The following TDRD1 variants were observed in gnomAD, a reference collection of about 807,000 sequenced individuals.
TDRD1 encodes tudor domain-containing protein 1.
TDRD1 carries 37 observed loss-of-function variants against 140.6 expected under a neutral mutation model. That is an observed-to-expected ratio of 0.26 (90% confidence interval 0.20 to 0.35). The LOEUF (loss-of-function observed/expected upper bound fraction) is 0.35. Among genes scored for constraint, TDRD1 ranks in the 10% least tolerant of loss-of-function variants. The pLI, the probability that TDRD1 is intolerant of heterozygous loss-of-function variation, is 1.00. For missense variants in TDRD1, 1,243 were observed against 1,393.0 expected (o/e 0.89, Z 1.71); for synonymous variants, 506 against 475.7 (o/e 1.06, Z -0.83).
chr10:114,177,804 T>C (rs1434709349), upstream of TDRD1, among the ~76,000 whole-genome samples: 1 of 151,936 alleles, frequency 6.6e-6, no homozygotes, highest in Non-Finnish European at 1.5e-5. Context: ...CAGAACTCTG[T>C]ACAGCACCTT....
exon 14 of TDRD1, chr10:114,211,990 A>G (rs745925252): frequency 6.2e-7 from 1 of 1,612,078 alleles, no homozygotes. Flanking sequence ...CCATAATCCC[A>G]AAGTTGTTGG....
exon 7 of TDRD1, chr10:114,203,135 G>T: frequency 6.2e-7 from 1 of 1,613,790 alleles, no homozygotes; most frequent in South Asian, 1.1e-5. Flanking sequence ...AATGTTTTCT[G>T]ATTTGAGAAG....
At chr10:114,182,176 G>A (rs2033123847) in intron 1 of TDRD1, among the ~76,000 whole-genome samples, 1 of 152,166 alleles carries the variant, frequency 6.6e-6, no homozygotes, top group African/African-American at 2.4e-5. Flanking sequence ...AGTCATGTCA[G>A]TATAAGAGTC....
At chr10:114,199,106 C>G in intron 3 of TDRD1, 67 bp from the exon 4 acceptor site, 1 of 1,537,300 alleles carries the variant, frequency 6.5e-7, no homozygotes, top group Admixed American at 1.9e-5. Context: ...GAAGTAGTCC[C>G]AAATCTAGTA....
intron 25 of TDRD1, chr10:114,228,881 C>T (rs1053141646): frequency 4.6e-5 from 29 of 624,356 alleles, no homozygotes; most frequent in Middle Eastern, 8.1e-4. Flanking sequence ...CCCAGGCGTT[C>T]GAAGTCAGCC....
intron 25 of TDRD1, chr10:114,228,159 TCTG>T: frequency 1.3e-6 from 2 of 1,538,940 alleles, no homozygotes; most frequent in Non-Finnish European, 1.7e-6. Context: ...TTTCGCCTCT[TCTG>T]TGATCACCAA....
intron 14 of TDRD1, 121 bp downstream of exon 14, chr10:114,212,157 G>A: frequency 1.2e-6 from 1 of 866,246 alleles, no homozygotes; most frequent in South Asian, 2.0e-5. Flanking sequence ...ATGCTTAAAA[G>A]TTACTATAAA....
chr10:114,203,529 A>G, exon 8 of TDRD1: 1 of 1,611,530 alleles, frequency 6.2e-7, no homozygotes, highest in Non-Finnish European at 8.5e-7. Context: ...TATTCCTGTT[A>G]AGGGGGAAGT....
At chr10:114,191,076 A>T in intron 3 of TDRD1, 57 bp downstream of exon 3, 3 of 1,537,352 alleles carry the variant, frequency 2.0e-6, no homozygotes, top group Non-Finnish European at 2.7e-6. Flanking sequence ...AACATGTTTT[A>T]TTTATTTAAT....
At chr10:114,223,912 A>T (rs2036291604) in intron 21 of TDRD1, among the ~76,000 whole-genome samples, 2 of 152,080 alleles carry the variant, frequency 1.3e-5, no homozygotes, top group South Asian at 4.1e-4. Context: ...CCCAGACCTG[A>T]GCTGTTATCC....
chr10:114,203,949 AT>A (rs2034934457), intron 8 of TDRD1, 123 bp from the exon 9 acceptor site: 5 of 1,146,618 alleles, frequency 4.4e-6, no homozygotes, highest in Non-Finnish European at 6.2e-6. Flanking sequence ...AAGTTGGCTT[AT>A]TAATTGAGTG....
chr10:114,202,187 A>T (rs140252505), intron 5 of TDRD1, 51 bp from the exon 6 acceptor site: 1 of 1,426,534 alleles, frequency 7.0e-7, no homozygotes, highest in East Asian at 2.3e-5. Flanking sequence ...GATAGCCCCT[A>T]TGTTAATTGC....
chr10:114,217,420 TTAA>T, intron 16 of TDRD1, 122 bp from the exon 17 acceptor site: 1 of 535,158 alleles, frequency 1.9e-6, no homozygotes, highest in African/African-American at 2.0e-5. Flanking sequence ...TTGGGTAGAC[TTAA>T]TAGTAGTTTA....
exon 26 of TDRD1, chr10:114,231,984 C>G (rs958118034): frequency 6.6e-6 from 1 of 152,082 alleles, no homozygotes; most frequent in Non-Finnish European, 1.5e-5. Context: ...TATTTTCTGT[C>G]CGTTTGAAAT....
chr10:114,218,363 G>A (rs1170637272), intron 17 of TDRD1, 51 bp from the exon 18 acceptor site: 4 of 1,278,100 alleles, frequency 3.1e-6, no homozygotes, highest in Non-Finnish European at 4.1e-6. Context: ...AGTATTTCAA[G>A]TGTCGATAGA....
chr10:114,203,015 G>T, intron 6 of TDRD1, 57 bp from the exon 7 acceptor site: 1 of 1,160,550 alleles, frequency 8.6e-7, no homozygotes, highest in Admixed American at 1.7e-5. Context: ...AGTGGCCATA[G>T]AATCATTGAA....
intron 1 of TDRD1, among the ~76,000 whole-genome samples, 155 bp from the exon 2 acceptor site, chr10:114,187,671 C>T (rs951713477): frequency 2.0e-5 from 3 of 152,102 alleles, no homozygotes; most frequent in Non-Finnish European, 4.4e-5. Flanking sequence ...TGTGCCTTGT[C>T]GGCCAAGTTT....
At chr10:114,189,893 C>T (rs935387093) in intron 2 of TDRD1, among the ~76,000 whole-genome samples, 5 of 152,256 alleles carry the variant, frequency 3.3e-5, no homozygotes, top group Non-Finnish European at 5.9e-5. Flanking sequence ...ATCCAAAGTG[C>T]GGGATAATCA....
At chr10:114,222,607 A>T in exon 21 of TDRD1, 1 of 1,610,090 alleles carries the variant, frequency 6.2e-7, no homozygotes, top group Non-Finnish European at 8.5e-7. Flanking sequence ...AAAGCTGTGC[A>T]TGTTGACAGC....
Sources: allele counts gnomAD v4.1 joint callset (sites outside exome capture counted in the v4.1 genomes callset), GRCh38; gene constraint gnomAD v4.1.1; transcripts MANE v1.5; gene names NCBI Gene and HGNC (gene_info 2026-07-23, HGNC 2026-07-21).